SEC23B: variants seen among roughly 807,000 people sequenced by gnomAD.
SEC23B encodes SEC23 homolog B, COPII component, also known as protein transport protein Sec23B.
Under a neutral mutation model 104.3 loss-of-function variants are expected in SEC23B, and 77 were observed. That is an observed-to-expected ratio of 0.74 (90% CI 0.61 to 0.89). SEC23B has a LOEUF of 0.89. SEC23B is among the 40% of genes least tolerant of loss of function. The pLI is 0.00. For synonymous variants in SEC23B, 338 were observed against 332.5 expected, an observed-to-expected ratio of 1.02 and a Z score of -0.18; for missense variants, 885 against 949.4, an observed-to-expected ratio of 0.93 and a Z score of 0.89.
intron 13 of SEC23B, 88 bp downstream of exon 13, chr20:18,542,490 T>C: frequency 8.0e-7 from 1 of 1,243,894 alleles, no homozygotes; most frequent in Non-Finnish European, 1.2e-6. Flanking sequence ...GTTTGTCTTT[T>C]TGATTCCATT....
intron 16 of SEC23B, among the ~76,000 whole-genome samples, chr20:18,550,108 A>G (rs2060373612): frequency 6.7e-6 from 1 of 148,296 alleles, no homozygotes; most frequent in African/African-American, 2.4e-5. Context: ...ATGTATATAT[A>G]AATATAAATT....
In SEC23B at chr20:18,546,037, A is replaced by T. The variant is rs772534130; in HGVS notation, c.1743+4A>T. 2 of 1,432,382 alleles carry T rather than the reference A, an allele frequency of 1.4e-6. No homozygotes were observed. The highest frequency in any genetic ancestry group is 2.0e-6 in the Non-Finnish European group (2 of 1,014,208). The allele number at this position is 1,432,382 out of a possible 1,614,324, so 88.7% of individuals were successfully genotyped here. On this transcript the variant is annotated splice_donor_region_variant and intron_variant, in intron 15 of 19. Transcript: ENST00000650089. ...TTCCTTTTCTCTATATCCTCAGGTA[A>T]GTAATGTATGTTTCTAAAATAACTA...
upstream of SEC23B, chr20:18,507,668 CG>C (rs1568593070): frequency 6.6e-6 from 1 of 152,304 alleles, no homozygotes; most frequent in African/African-American, 2.4e-5. Flanking sequence ...GCTTAGGCAA[CG>C]GTGCGGCAGG....
intron 4 of SEC23B, among the ~76,000 whole-genome samples, chr20:18,521,603 G>A (rs1156495636): frequency 6.6e-6 from 1 of 152,172 alleles, no homozygotes; most frequent in Admixed American, 6.5e-5. Flanking sequence ...AGCCAGGCCG[G>A]GTGTGAGGAG....
chr20:18,558,353 G>A (rs1013349722), intron 19 of SEC23B, among the ~76,000 whole-genome samples: 1 of 152,098 alleles, frequency 6.6e-6, no homozygotes, highest in Admixed American at 6.5e-5. Context: ...GGATGGGCAG[G>A]GGCAGAGAAG....
intron 4 of SEC23B, among the ~76,000 whole-genome samples, chr20:18,519,074 A>G (rs1012398943): frequency 2.0e-5 from 3 of 152,176 alleles, no homozygotes; most frequent in Admixed American, 6.5e-5. Flanking sequence ...ATAGATGTGG[A>G]AGATACTATG....
chr20:18,544,099 A>G (rs1234527721), intron 14 of SEC23B, among the ~76,000 whole-genome samples: 2 of 152,170 alleles, frequency 1.3e-5, no homozygotes, highest in African/African-American at 4.8e-5. Flanking sequence ...GAAAGGGCCC[A>G]TGTCCATTTC....
intron 12 of SEC23B, 134 bp from the exon 13 acceptor site, chr20:18,542,162 A>C: frequency 6.1e-6 from 5 of 820,540 alleles, no homozygotes; most frequent in African/African-American, 1.7e-5. Flanking sequence ...GCAAATCCTA[A>C]GTGTGCCCTT....
chr20:18,540,601 A>G (rs1295515421), intron 12 of SEC23B, among the ~76,000 whole-genome samples: 2 of 152,220 alleles, frequency 1.3e-5, no homozygotes, highest in African/African-American at 2.4e-5. Flanking sequence ...CACACCTGTA[A>G]TCCCAGCACT....
rs187245450 is a variant in SEC23B at position 18,536,390 on chromosome 20, A to T, written c.1404+648A>T. 1.5e-4 allele frequency among the ~76,000 whole-genome samples: 23 copies of T among 152,354 alleles called. 2 individuals are homozygous for T. Among genetic ancestry groups the T allele is most frequent in the African/African-American group, 5.3e-4 (22 of 41,598 alleles). ...TAGTGTTGGGGTGCTGACACTGCAT[A>T]GTTAAAAATCCACATATAACGGCCG... is the stretch of plus-strand genomic sequence containing the variant. On this transcript the variant is annotated intron_variant, in intron 12 of 19. Transcript: ENST00000650089.
At chr20:18,516,187 T>G (rs1180413054) in intron 4 of SEC23B, among the ~76,000 whole-genome samples, 1 of 151,596 alleles carries the variant, frequency 6.6e-6, no homozygotes, top group African/African-American at 2.4e-5. Flanking sequence ...TTCTAATTGT[T>G]CTCCCTGATG....
intron 4 of SEC23B, among the ~76,000 whole-genome samples, chr20:18,521,350 T>G (rs2060082114): frequency 6.6e-6 from 1 of 152,162 alleles, no homozygotes; most frequent in South Asian, 2.1e-4. Flanking sequence ...AAGACGGCCT[T>G]CCTCTGGGGG....
At chr20:18,514,300 C>T (rs998853114) in intron 3 of SEC23B, among the ~76,000 whole-genome samples, 29 of 152,172 alleles carry the variant, frequency 1.9e-4, no homozygotes, top group African/African-American at 7.0e-4. Context: ...AACAGGGCCT[C>T]TCCAGGTTGC....
rs557666284 is a variant in SEC23B at position 18,527,847 on chromosome 20, C to T, written c.1109+236C>T. Among the ~76,000 whole-genome samples, 8 of 152,260 alleles carry T rather than the reference C, an allele frequency of 5.3e-5. No individual in the cohort carries two copies. In the South Asian group the frequency reaches 1.0e-3, roughly 20 times the overall value. ...TCGTTTCAGAGTAACTTATTTCTTCCTTAGAGTTGTTAACACTTTTACAGA... is the reference window on the plus strand; with the variant it reads ...TCGTTTCAGAGTAACTTATTTCTTCTTTAGAGTTGTTAACACTTTTACAGA... On this transcript the variant is annotated intron_variant, in intron 9 of 19. Coordinates refer to ENST00000650089, the MANE Select transcript of SEC23B (RefSeq NM_006363.6).
intron 4 of SEC23B, among the ~76,000 whole-genome samples, chr20:18,521,015 C>CG (rs1568602564): frequency 2.0e-5 from 3 of 152,088 alleles, no homozygotes; most frequent in African/African-American, 7.2e-5. Flanking sequence ...TCCCGGGCTG[C>CG]GGGCATTCCT....
chr20:18,526,482 G>T lies in SEC23B; in HGVS notation c.944G>T (p.Trp315Leu), dbSNP rs756538488. Residue 315 changes from tryptophan to leucine, a missense_variant, in exon 8 of 20, where the codon TGG (tryptophan) becomes TTG (leucine). Coordinates refer to ENST00000650089, the MANE Select transcript of SEC23B (RefSeq NM_006363.6). ...GDELKIPIRSWHDIEKDNARF... is the reference protein window; with the variant it reads ...GDELKIPIRSLHDIEKDNARF... Reference sequence around the variant, plus strand: ...GAATTAAAGATTCCTATTCGTTCTTGGCATGATATTGAGAAAGATAATGCA... The same window carrying T: ...GAATTAAAGATTCCTATTCGTTCTTTGCATGATATTGAGAAAGATAATGCA... 1.9e-6 allele frequency: 3 copies of T among 1,614,028 alleles called. No individual in the cohort carries two copies. The highest frequency in any genetic ancestry group is 2.5e-6 in the Non-Finnish European group (3 of 1,180,030).
Position 18,524,918 on chromosome 20 carries a change from G to C in SEC23B, c.604-17G>C, listed in dbSNP as rs776987293. 2.0e-6 allele frequency: 3 copies of C among 1,519,962 alleles called. No individual in the cohort carries two copies. Among genetic ancestry groups the C allele is most frequent in the Admixed American group, 1.7e-5 (1 of 57,564 alleles). 94.2% of individuals were successfully genotyped at this position (1,519,962 alleles called of 1,614,324 possible). On this transcript the variant is annotated splice_polypyrimidine_tract_variant and intron_variant, in intron 5 of 19. Transcript: ENST00000650089. ...GTGTCATTGGAAATGAATCTTTTTGGCTTTTTTTTTTTTAAGGATATGTTG... is the reference window on the plus strand; with the variant it reads ...GTGTCATTGGAAATGAATCTTTTTGCCTTTTTTTTTTTTAAGGATATGTTG...
chr20:18,515,933 G>A (rs2060020741), intron 4 of SEC23B, 197 bp downstream of exon 4: 2 of 583,942 alleles, frequency 3.4e-6, no homozygotes, highest in South Asian at 1.9e-5. Context: ...TACTAAAAAG[G>A]TAGAACTGAT....
At chr20:18,520,394 C>T (rs563124487) in intron 4 of SEC23B, among the ~76,000 whole-genome samples, 140 of 122,510 alleles carry the variant, frequency 1.1e-3, no homozygotes, top group Middle Eastern at 8.3e-3. Context: ...TAGTAATGGG[C>T]GTGTGATCGG....
Sources: allele counts gnomAD v4.1 joint callset (sites outside exome capture counted in the v4.1 genomes callset), GRCh38; gene constraint gnomAD v4.1.1; transcripts MANE v1.5; gene names NCBI Gene and HGNC (gene_info 2026-07-23, HGNC 2026-07-21).